The following COL4A1 variants were observed in gnomAD, a reference collection of about 807,000 sequenced individuals.
COL4A1 encodes collagen type IV alpha 1 chain.
In COL4A1, 40 loss-of-function variants were observed where a neutral mutation model predicts 216.6. That is an observed-to-expected ratio of 0.18 (90% CI 0.14 to 0.24). COL4A1 has a LOEUF of 0.24. Among genes scored for constraint, COL4A1 ranks in the 10% least tolerant of loss-of-function variants. COL4A1 has a pLI of 1.00. For missense variants in COL4A1, 1,628 were observed against 2,196.8 expected, an observed-to-expected ratio of 0.74 and a Z score of 5.18; for synonymous variants, 839 against 810.7, an observed-to-expected ratio of 1.03 and a Z score of -0.59.
intron 17 of COL4A1, among the ~76,000 whole-genome samples, chr13:110,204,834 C>T (rs1879416051): frequency 1.3e-5 from 2 of 152,054 alleles, no homozygotes; most frequent in Non-Finnish European, 2.9e-5. Flanking sequence ...TACTTGTAAG[C>T]ATACAAATTT....
intron 1 of COL4A1, among the ~76,000 whole-genome samples, chr13:110,261,035 T>TAAAAAAAAAAAAA (rs1303970828): frequency 0.037 from 1,561 of 41,774 alleles, 149 homozygotes; most frequent in East Asian, 0.065. Context: ...AGACTCCGTC[T>TAAAAAAAAAAAAA]CAAAAAAAAA....
At chr13:110,248,782 C>T (rs181256581) in intron 1 of COL4A1, among the ~76,000 whole-genome samples, 6 of 152,276 alleles carry the variant, frequency 3.9e-5, no homozygotes, top group Non-Finnish European at 5.9e-5. Context: ...TGTGAGCCAC[C>T]GCACCCGGCC....
intron 1 of COL4A1, among the ~76,000 whole-genome samples, chr13:110,273,712 C>T (rs746312876): frequency 6.6e-5 from 10 of 152,218 alleles, no homozygotes; most frequent in Admixed American, 1.3e-4. Flanking sequence ...AAAACTCACC[C>T]TCTAATTCTG....
At position 110,195,064 on chromosome 13, in the gene COL4A1, A is replaced by G. The variant is rs2139183046; in HGVS notation, c.1340T>C (p.Ile447Thr). The change falls in exon 22 of 52, where the codon ATT becomes ACT. Residue 447 changes from isoleucine to threonine, a missense_variant. Ile to Thr is a moderately conservative substitution (Grantham distance 89). Around this residue, in one of 8 missense-constraint regions of COL4A1, gnomAD observed 701 missense variants for 892.5 expected, o/e 0.79. Transcript: ENST00000375820. Reference sequence around the variant, plus strand: ...GCCTATAAATCCTGGCTGCCCTGGAATTCCAGGAGGACCCTGGTCACCTGG... The same window carrying G: ...GCCTATAAATCCTGGCTGCCCTGGAGTTCCAGGAGGACCCTGGTCACCTGG... ...GPPGDQGPPGIPGQPGFIGEI... is the reference protein window; with the variant it reads ...GPPGDQGPPGTPGQPGFIGEI... 7 of 1,614,210 alleles carry G rather than the reference A, an allele frequency of 4.3e-6. No individual in the cohort carries two copies. Among genetic ancestry groups the G allele is most frequent in the Non-Finnish European group, 5.9e-6 (7 of 1,180,034 alleles).
chr13:110,222,937 A>G (rs540543464), intron 2 of COL4A1, among the ~76,000 whole-genome samples: 1 of 152,232 alleles, frequency 6.6e-6, no homozygotes, highest in Non-Finnish European at 1.5e-5. Context: ...TCTATGGTAA[A>G]TATTTTTAAT....
chr13:110,194,592 T>C (rs1474141883), intron 22 of COL4A1, among the ~76,000 whole-genome samples: 1 of 152,196 alleles, frequency 6.6e-6, no homozygotes, highest in Admixed American at 6.5e-5. Flanking sequence ...ACACTGATGA[T>C]GCAAACACCA....
chr13:110,189,415 C>G (rs9521641), intron 24 of COL4A1, among the ~76,000 whole-genome samples: 32,641 of 152,178 alleles, frequency 0.21, 4,128 homozygotes, highest in Admixed American at 0.29. Flanking sequence ...GCTGCCAGAT[C>G]AGATGGCACT....
chr13:110,161,419 C>T (rs1395854792), intron 48 of COL4A1, 50 bp from the exon 49 acceptor site: 1 of 1,550,792 alleles, frequency 6.4e-7, no homozygotes. Flanking sequence ...AATTCACAAT[C>T]TATCTCTATG....
intron 1 of COL4A1, among the ~76,000 whole-genome samples, chr13:110,289,037 C>CAA (rs200891357): frequency 2.0e-5 from 3 of 148,678 alleles, no homozygotes; most frequent in Non-Finnish European, 3.0e-5. Flanking sequence ...GACCCCATCT[C>CAA]AAAAAAAAAA....
intron 22 of COL4A1, among the ~76,000 whole-genome samples, chr13:110,194,636 T>G (rs1878796440): frequency 6.6e-6 from 1 of 152,170 alleles, no homozygotes; most frequent in African/African-American, 2.4e-5. Flanking sequence ...ATGTGCAGAT[T>G]TTTGACTTGG....
Position 110,166,127 on chromosome 13 carries a change from T to C in COL4A1, c.4021+105A>G, listed in dbSNP as rs559775601. 32 of 786,268 alleles carry C rather than the reference T, an allele frequency of 4.1e-5. No individual in the cohort carries two copies. In the East Asian group the frequency reaches 7.5e-4, roughly 19 times the overall value. The allele number at this position is 786,268 out of a possible 1,614,324, so 48.7% of individuals were successfully genotyped here. On this transcript the variant is annotated intron_variant, in intron 45 of 51. Coordinates refer to ENST00000375820, the MANE Select transcript of COL4A1 (RefSeq NM_001845.6). ...TCAATTGTTTTTAATGATTTTTGAG[T>C]CATTTCACATATGAAAAACCAAACA...
rs990807567 is a variant in COL4A1 at position 110,219,810 on chromosome 13, G to A, written c.145-5795C>T. On this transcript the variant is annotated intron_variant, in intron 2 of 51. Coordinates refer to ENST00000375820, the MANE Select transcript of COL4A1 (RefSeq NM_001845.6). ...TATATGTGTATATATGTATATATGTGTATATATGTATATATATGTATGTAT... is the reference window on the plus strand; with the variant it reads ...TATATGTGTATATATGTATATATGTATATATATGTATATATATGTATGTAT... 2.3e-4 allele frequency among the ~76,000 whole-genome samples: 27 copies of A among 115,842 alleles called. No homozygotes were observed. The East Asian group carries it at 5.6e-3, about 24-fold the overall frequency. The allele number at this position is 115,842 out of a possible 152,430, so 76.0% of individuals were successfully genotyped here. A position where few individuals can be genotyped will look rare whatever the true frequency, so the allele number is the denominator to read the frequency against.
At position 110,201,461 on chromosome 13, in the gene COL4A1, G is replaced by A; in HGVS notation, c.1061C>T (p.Pro354Leu). The change falls in exon 19 of 52, where the codon CCA (proline) becomes CTA (leucine). Residue 354 changes from proline (P) to leucine (L), a missense_variant. Coordinates refer to ENST00000375820, the MANE Select transcript of COL4A1 (RefSeq NM_001845.6). ...GERGYPGTPGPRGEPGPKGFP... is the reference protein window; with the variant it reads ...GERGYPGTPGLRGEPGPKGFP... Reference sequence around the variant, plus strand: ...ACCTTTTGGGCCTGGCTCTCCTCTTGGCCCCGGAGTTCCAGGGTAGCCCCT... The same window carrying A: ...ACCTTTTGGGCCTGGCTCTCCTCTTAGCCCCGGAGTTCCAGGGTAGCCCCT... 1 of 1,614,058 alleles carries A rather than the reference G, an allele frequency of 6.2e-7. No individual in the cohort carries two copies. The highest frequency in any genetic ancestry group is 8.5e-7 in the Non-Finnish European group (1 of 1,180,010).
rs541382764 is a variant in COL4A1 at position 110,203,757 on chromosome 13, G to A, written c.958-150C>T. 21 of 819,624 alleles carry A rather than the reference G, an allele frequency of 2.6e-5. No individual in the cohort carries two copies. The Middle Eastern group carries it at 1.3e-3, about 50-fold the overall frequency. 50.8% of individuals were successfully genotyped at this position (819,624 alleles called of 1,614,324 possible). A position where few individuals can be genotyped will look rare whatever the true frequency, so the allele number is the denominator to read the frequency against. The stretch of plus-strand genomic sequence containing the variant: ...TCTTTAATATCTCTCATTCTGTGAC[G>A]ATTACAACAAAAATGAATAGATTTC... On this transcript the variant is annotated intron_variant, in intron 17 of 51. Transcript: ENST00000375820.
In COL4A1 at chr13:110,170,746, A is replaced by G. The variant is rs886049957; in HGVS notation, c.3557-14T>C. On this transcript the variant is annotated splice_polypyrimidine_tract_variant and intron_variant, in intron 41 of 51. Transcript: ENST00000375820. Reference sequence around the variant, plus strand: ...CACCCTTTGAACCTGAACAAGAAAAACAGTTTGAGGTGATGGGAAACGCAG... The same window carrying G: ...CACCCTTTGAACCTGAACAAGAAAAGCAGTTTGAGGTGATGGGAAACGCAG... 19 of 1,614,026 alleles carry G rather than the reference A, an allele frequency of 1.2e-5. No individual in the cohort carries two copies. The highest frequency in any genetic ancestry group is 1.7e-5 in the Admixed American group (1 of 60,026).
At chr13:110,167,115 C>A (rs1877381475) in intron 44 of COL4A1, 43 bp downstream of exon 44, 2 of 1,548,816 alleles carry the variant, frequency 1.3e-6, no homozygotes, top group African/African-American at 1.4e-5. Context: ...CACACAGCGT[C>A]TGCTGCTGCA....
chr13:110,264,388 A>G (rs1305792903), intron 1 of COL4A1, among the ~76,000 whole-genome samples: 1 of 152,162 alleles, frequency 6.6e-6, no homozygotes, highest in Non-Finnish European at 1.5e-5. Context: ...TTAAAACTCA[A>G]ACTTGGCAAC....
At chr13:110,178,039 A>C (rs376055658) in intron 32 of COL4A1, 25 bp downstream of exon 32, 2 of 1,614,080 alleles carry the variant, frequency 1.2e-6, no homozygotes, top group African/African-American at 2.7e-5. Flanking sequence ...TGATGGATCC[A>C]GGCAGAAGTT....
chr13:110,176,563 C>A, intron 35 of COL4A1, 50 bp from the exon 36 acceptor site: 2 of 1,593,078 alleles, frequency 1.3e-6, no homozygotes, highest in Non-Finnish European at 1.7e-6. Context: ...ACAGAAAGAG[C>A]TGGGGAACAC....
Sources: allele counts gnomAD v4.1 joint callset (sites outside exome capture counted in the v4.1 genomes callset), GRCh38; gene constraint gnomAD v4.1.1; regional missense constraint gnomAD v4.1.1; transcripts MANE v1.5; gene names NCBI Gene and HGNC (gene_info 2026-07-23, HGNC 2026-07-21).